Variants in DOCK10 observed in about 807,000 individuals in gnomAD.
DOCK10 encodes dedicator of cytokinesis protein 10.
A neutral mutation model predicts 280.1 loss-of-function variants in DOCK10; 145 were observed. That is an observed-to-expected ratio of 0.52 (90% CI 0.45 to 0.59). The LOEUF (loss-of-function observed/expected upper bound fraction) is 0.59. DOCK10 is among the 20% of genes least tolerant of loss of function. The probability of loss-of-function intolerance (pLI) is 0.00; values close to 1 mark genes in which losing one functional copy is unlikely to be tolerated. For synonymous variants in DOCK10, 915 were observed against 942.2 expected (o/e 0.97, Z 0.53); for missense variants, 2,368 against 2,651.7 (o/e 0.89, Z 2.35).
chr2:225,011,214 G>A (rs1487614579), intron 1 of DOCK10, among the ~76,000 whole-genome samples: 2 of 152,188 alleles, frequency 1.3e-5, no homozygotes, highest in Non-Finnish European at 2.9e-5. Context: ...GGAAAAAGAG[G>A]CAATGTCGCA....
At position 224,931,589 on chromosome 2, in the gene DOCK10, G is replaced by A; in HGVS notation, c.203C>T (p.Pro68Leu). The change falls in exon 2 of 56, where the codon CCT becomes CTT. Residue 68 changes from proline to leucine, a missense_variant. Pro to Leu is a moderately conservative substitution (Grantham distance 98, BLOSUM62 -3). Transcript: ENST00000258390. The part of the protein sequence containing the change: ...EELEKTYRND[P>L]LQDLLFFPSD... ...GGGGAAGAACAAGAGATCTTGAAGA[G>A]GATCATTCCGGTAGGTCTTTTCAAG... 4 of 1,611,764 alleles carry A rather than the reference G, an allele frequency of 2.5e-6. No homozygotes were observed. Among genetic ancestry groups the A allele is most frequent in the Non-Finnish European group, 3.4e-6 (4 of 1,178,960 alleles).
chr2:224,902,902 G>A (rs932619749), intron 3 of DOCK10, among the ~76,000 whole-genome samples: 33 of 152,016 alleles, frequency 2.2e-4, no homozygotes, highest in Admixed American at 9.8e-4. Context: ...GACCATCCTG[G>A]CTAACACAGT....
chr2:224,929,152 G>A (rs1227724433), intron 2 of DOCK10, among the ~76,000 whole-genome samples: 2 of 152,150 alleles, frequency 1.3e-5, no homozygotes, highest in Non-Finnish European at 1.5e-5. Flanking sequence ...ATTCTGCCTA[G>A]TTTTATTTTC....
At chr2:224,886,029 A>T (rs759502105) in intron 6 of DOCK10, 34 bp downstream of exon 6, 8 of 1,613,020 alleles carry the variant, frequency 5.0e-6, no homozygotes, top group Non-Finnish European at 6.8e-6. Context: ...AAGAAGGGTG[A>T]CAGAGATAAA....
At chr2:224,827,497 T>C (rs1226079053) in intron 27 of DOCK10, among the ~76,000 whole-genome samples, 3 of 152,094 alleles carry the variant, frequency 2.0e-5, no homozygotes, top group Non-Finnish European at 4.4e-5. Context: ...AGGTGTGTTT[T>C]GTGACCTGTC....
chr2:225,040,378 C>A (rs1005242841), intron 1 of DOCK10, among the ~76,000 whole-genome samples: 1 of 152,152 alleles, frequency 6.6e-6, no homozygotes, highest in Admixed American at 6.5e-5. Flanking sequence ...GGTGCTGAAG[C>A]GAAGCAAGGG....
intron 3 of DOCK10, among the ~76,000 whole-genome samples, chr2:224,900,350 T>G (rs907442540): frequency 5.3e-5 from 8 of 151,958 alleles, no homozygotes; most frequent in Non-Finnish European, 1.0e-4. Flanking sequence ...CTAAGCACTT[T>G]GCATACAGTC....
chr2:225,034,885 C>T (rs1310320512), intron 1 of DOCK10, among the ~76,000 whole-genome samples: 2 of 152,104 alleles, frequency 1.3e-5, no homozygotes, highest in African/African-American at 4.8e-5. Flanking sequence ...GTAACATTCA[C>T]CTCACCCTGA....
intron 7 of DOCK10, among the ~76,000 whole-genome samples, chr2:224,883,959 A>C (rs959677409): frequency 7.2e-5 from 11 of 152,202 alleles, no homozygotes; most frequent in African/African-American, 2.7e-4. Flanking sequence ...ATAATATTTA[A>C]CATTTTCTGC....
chr2:224,848,330 C>G (rs971609881), intron 19 of DOCK10, among the ~76,000 whole-genome samples: 1 of 152,236 alleles, frequency 6.6e-6, no homozygotes, highest in African/African-American at 2.4e-5. Context: ...ATCCCATCAG[C>G]AGGCTGCACT....
intron 4 of DOCK10, among the ~76,000 whole-genome samples, chr2:224,891,221 TA>T (rs1455986976): frequency 6.6e-6 from 1 of 152,202 alleles, no homozygotes; most frequent in Non-Finnish European, 1.5e-5. Context: ...TTCCTAGGTT[TA>T]AAATTTGCAG....
At chr2:225,012,095 C>A (rs1285877063) in intron 1 of DOCK10, among the ~76,000 whole-genome samples, 2 of 152,076 alleles carry the variant, frequency 1.3e-5, no homozygotes, top group Non-Finnish European at 2.9e-5. Context: ...CAGAATGAGG[C>A]CCCACTCATT....
At position 224,970,994 on chromosome 2, in the gene DOCK10, CA is replaced by C. The variant is rs1705050281; in HGVS notation, c.124-39327del. ...TAGTTAAAAAGAATGTGGGTCTCAT[CA>C]TTTTGAGACCTGAACAAATACCCTT... On this transcript the variant is annotated intron_variant, in intron 1 of 55. Coordinates refer to ENST00000258390, the MANE Select transcript of DOCK10 (RefSeq NM_014689.3). The surrounding 1 kb of genome is among the most constrained non-coding windows in gnomAD (Gnocchi z 4.6). 6.6e-6 allele frequency among the ~76,000 whole-genome samples: 1 copy of C among 152,190 alleles called. No individual in the cohort carries two copies. Among genetic ancestry groups the C allele is most frequent in the Admixed American group, 6.5e-5 (1 of 15,280 alleles).
intron 12 of DOCK10, 85 bp from the exon 13 acceptor site, chr2:224,864,760 G>C: frequency 1.9e-6 from 3 of 1,583,394 alleles, no homozygotes; most frequent in East Asian, 2.2e-5. Context: ...AAAAAGGACA[G>C]CTTTAAGGGA....
intron 2 of DOCK10, among the ~76,000 whole-genome samples, chr2:224,926,981 G>T (rs1409788580): frequency 6.6e-6 from 1 of 152,214 alleles, no homozygotes. Context: ...TGACAGAGGA[G>T]TGAAAAAGCA....
At chr2:224,867,569 T>C (rs1698012579) in intron 11 of DOCK10, among the ~76,000 whole-genome samples, 1 of 152,204 alleles carries the variant, frequency 6.6e-6, no homozygotes, top group African/African-American at 2.4e-5. Flanking sequence ...GAAGGGGACA[T>C]TTCTTGGTCA....
At chr2:224,984,152 G>A (rs1705893604) in intron 1 of DOCK10, among the ~76,000 whole-genome samples, 1 of 152,014 alleles carries the variant, frequency 6.6e-6, no homozygotes, top group Non-Finnish European at 1.5e-5. Flanking sequence ...ACTTCCGTAG[G>A]TTGTGATCAT....
In DOCK10 at chr2:224,805,172, C is replaced by T; in HGVS notation, c.4051+34G>A. ...ATGAGAATCTGAAGGTTTTCTTTTT[C>T]CTTTTTTCAAAAAAATTAAAGAATT... is the stretch of plus-strand genomic sequence containing the variant. On this transcript the variant is annotated intron_variant, in intron 36 of 55. Transcript: ENST00000258390. This position sits in a 1 kb window ranked among gnomAD's most constrained non-coding sequence, Gnocchi z 4.3. 6.3e-7 allele frequency: 1 copy of T among 1,598,968 alleles called. No homozygotes were observed. The highest frequency in any genetic ancestry group is 8.5e-7 in the Non-Finnish European group (1 of 1,175,348).
intron 1 of DOCK10, among the ~76,000 whole-genome samples, chr2:225,013,611 G>C (rs945855849): frequency 5.3e-5 from 8 of 152,102 alleles, no homozygotes; most frequent in African/African-American, 1.9e-4. Flanking sequence ...CTAGATTCTC[G>C]CATTCCCTAG....
Sources: gnomAD v4.1 joint callset for allele counts (sites outside exome capture counted in the v4.1 genomes callset) on GRCh38, gnomAD v4.1.1 for gene constraint, Gnocchi (gnomAD v3.1) non-coding constraint, MANE v1.5 for transcripts, NCBI Gene and HGNC (gene_info 2026-07-23, HGNC 2026-07-21) for gene names.